The following VTA1 variants were observed in gnomAD, a reference collection of about 807,000 sequenced individuals.
VTA1 encodes vacuolar protein sorting-associated protein VTA1 homolog.
Under a neutral mutation model 36.9 loss-of-function variants are expected in VTA1, and 24 were observed. The observed-to-expected ratio is 0.65, with a 90% CI of 0.47 to 0.91. VTA1 has a LOEUF of 0.91. Among genes scored for constraint, VTA1 ranks in the 40% least tolerant of loss-of-function variants. The probability of loss-of-function intolerance (pLI) is 0.00; values close to 1 mark genes in which losing one functional copy is unlikely to be tolerated. For synonymous variants in VTA1, 142 were observed against 130.2 expected, an observed-to-expected ratio of 1.09 and a Z score of -0.62; for missense variants, 393 against 377.2, an observed-to-expected ratio of 1.04 and a Z score of -0.35.
intron 1 of VTA1, among the ~76,000 whole-genome samples, chr6:142,154,152 C>T (rs973035485): frequency 1.4e-5 from 2 of 147,134 alleles, no homozygotes; most frequent in African/African-American, 5.4e-5. Context: ...AACCTGCCTT[C>T]TCCTTTTCGC....
At chr6:142,181,455 T>TATATA (rs1775236929) in intron 4 of VTA1, among the ~76,000 whole-genome samples, 4 of 143,652 alleles carry the variant, frequency 2.8e-5, no homozygotes, top group Non-Finnish European at 4.6e-5. Flanking sequence ...TTTTTATATT[T>TATATA]TATATATATA....
At chr6:142,176,192 G>C (rs991185810) in intron 4 of VTA1, among the ~76,000 whole-genome samples, 1 of 152,160 alleles carries the variant, frequency 6.6e-6, no homozygotes, top group South Asian at 2.1e-4. Flanking sequence ...TTGAGGAACA[G>C]ATAACATTTT....
rs908033111 is a variant in VTA1, at chr6:142,147,350, G to A, written c.63G>A (p.Leu21=). The A allele has an allele frequency of 6.2e-7, 1 of 1,614,100 alleles. No homozygotes were observed. The highest frequency in any genetic ancestry group is 1.3e-5 in the African/African-American group (1 of 74,946). ...PAQFKSIQHH[L]RTAQEHDKRD... The stretch of plus-strand genomic sequence containing the variant: ...AGTTCAAGAGCATACAGCATCATCT[G>A]AGGACGGCTCAGGAGCATGACAAGC... Residue 21 remains leucine, a synonymous_variant, in exon 1 of 8, where the codon CTG becomes CTA. Coordinates refer to ENST00000367630, the MANE Select transcript of VTA1 (RefSeq NM_016485.5).
intron 6 of VTA1, 49 bp downstream of exon 6, chr6:142,198,664 A>G (rs1206644228): frequency 6.6e-7 from 1 of 1,522,900 alleles, no homozygotes; most frequent in South Asian, 1.3e-5. Flanking sequence ...TTTATAAAGA[A>G]GAACTGCATT....
At chr6:142,157,077 T>C (rs1778675945) in intron 1 of VTA1, among the ~76,000 whole-genome samples, 1 of 152,198 alleles carries the variant, frequency 6.6e-6, no homozygotes, top group Admixed American at 6.5e-5. Flanking sequence ...GGCAGAAGAA[T>C]CGCTTGAACC....
At chr6:142,197,017 T>C (rs1775564476) in intron 5 of VTA1, among the ~76,000 whole-genome samples, 2 of 152,204 alleles carry the variant, frequency 1.3e-5, no homozygotes, top group African/African-American at 4.8e-5. Context: ...TTGGCAACTT[T>C]CTTTTATGTA....
chr6:142,180,372 A>G (rs1775204589), intron 4 of VTA1, among the ~76,000 whole-genome samples: 1 of 152,204 alleles, frequency 6.6e-6, no homozygotes, highest in African/African-American at 2.4e-5. Context: ...ATGGATGATA[A>G]CTCATTGAAT....
At chr6:142,197,091 C>CT (rs1168463250) in intron 5 of VTA1, among the ~76,000 whole-genome samples, 1 of 152,142 alleles carries the variant, frequency 6.6e-6, no homozygotes, top group Non-Finnish European at 1.5e-5. Context: ...AAGATTTCCT[C>CT]TTACCCTTAC....
intron 4 of VTA1, among the ~76,000 whole-genome samples, chr6:142,172,673 G>C (rs1775050275): frequency 6.6e-6 from 1 of 151,990 alleles, no homozygotes; most frequent in South Asian, 2.1e-4. Flanking sequence ...TTTCTTCTCT[G>C]TTTTACTAGT....
chr6:142,217,839 G>T (rs1456056101), intron 7 of VTA1, among the ~76,000 whole-genome samples: 1 of 151,484 alleles, frequency 6.6e-6, no homozygotes, highest in Non-Finnish European at 1.5e-5. Flanking sequence ...TAGATTAAAT[G>T]AAATGTTTTT....
At chr6:142,164,411 G>A (rs953433399) in intron 1 of VTA1, among the ~76,000 whole-genome samples, 6 of 151,442 alleles carry the variant, frequency 4.0e-5, no homozygotes, top group African/African-American at 7.3e-5. Flanking sequence ...TAGATGGATC[G>A]AATTCTTAAA....
chr6:142,208,568 G>T (rs1395558996), intron 7 of VTA1, among the ~76,000 whole-genome samples: 1 of 152,070 alleles, frequency 6.6e-6, no homozygotes, highest in African/African-American at 2.4e-5. Flanking sequence ...AAATATCCAG[G>T]TACAGGAAGG....
At chr6:142,196,550 C>T (rs1775555482) in intron 5 of VTA1, among the ~76,000 whole-genome samples, 2 of 152,178 alleles carry the variant, frequency 1.3e-5, no homozygotes, top group African/African-American at 4.8e-5. Context: ...CATTTCCTTT[C>T]TGTTAATACC....
intron 1 of VTA1, among the ~76,000 whole-genome samples, chr6:142,150,851 G>A (rs867093216): frequency 7.9e-5 from 12 of 151,420 alleles, no homozygotes; most frequent in South Asian, 6.2e-4. Context: ...GGCAGAAGTC[G>A]CAGTAAGCTG....
At chr6:142,204,945 C>G (rs937514671) in intron 7 of VTA1, among the ~76,000 whole-genome samples, 1 of 151,698 alleles carries the variant, frequency 6.6e-6, no homozygotes, top group African/African-American at 2.4e-5. Flanking sequence ...GGGATGGTCT[C>G]GATCTCTTGA....
At chr6:142,168,744 ATT>A (rs1774970863) in intron 2 of VTA1, among the ~76,000 whole-genome samples, 1 of 55,484 alleles carries the variant, frequency 1.8e-5, no homozygotes, top group African/African-American at 5.5e-5. Flanking sequence ...AGATATCATT[ATT>A]ATTATTATTA....
intron 4 of VTA1, among the ~76,000 whole-genome samples, chr6:142,181,334 T>C (rs1243703713): frequency 2.0e-5 from 3 of 148,050 alleles, no homozygotes; most frequent in South Asian, 2.1e-4. Context: ...GGGGTTTCAC[T>C]GTGTTAGCCA....
At chr6:142,175,799 T>C (rs1775111214) in intron 4 of VTA1, among the ~76,000 whole-genome samples, 1 of 152,130 alleles carries the variant, frequency 6.6e-6, no homozygotes, top group South Asian at 2.1e-4. Flanking sequence ...TAATTTCATG[T>C]CATTACTCAC....
intron 4 of VTA1, among the ~76,000 whole-genome samples, chr6:142,188,217 CTTTATTTCTTTTTTTTTTTTTTTT>C: frequency 1.0e-5 from 1 of 98,300 alleles, no homozygotes; most frequent in African/African-American, 3.7e-5. Flanking sequence ...CCCTCTATTT[CTTTATTTCTTTTTTTTTTTTTTTT>C]TTTTTTTTTT....
Sources: allele counts gnomAD v4.1 joint callset (sites outside exome capture counted in the v4.1 genomes callset), GRCh38; gene constraint gnomAD v4.1.1; transcripts MANE v1.5; gene names NCBI Gene and HGNC (gene_info 2026-07-23, HGNC 2026-07-21).